Variants in PASD1 observed in about 807,000 individuals in gnomAD.
The protein encoded by PASD1 is circadian clock protein PASD1.
In PASD1, 13 loss-of-function variants were observed where a neutral mutation model predicts 58.8. That is an observed-to-expected ratio of 0.22 (90% confidence interval 0.14 to 0.35). The LOEUF is 0.35. Among genes scored for constraint, PASD1 ranks in the 10% least tolerant of loss-of-function variants. PASD1 has a pLI of 1.00. For synonymous variants in PASD1, 236 were observed against 216.7 expected (o/e 1.09, Z -0.78); for missense variants, 734 against 568.3 (o/e 1.29, Z -2.96).
intron 7 of PASD1, among the ~76,000 whole-genome samples, 178 bp downstream of exon 7, chrX:151,623,242 C>T (rs902185347): frequency 1.8e-5 from 2 of 112,132 alleles, no homozygotes; most frequent in African/African-American, 6.5e-5. Flanking sequence ...AGAAGGTGAA[C>T]ATCTCAGTGA....
chrX:151,595,861 T>G (rs1475445751), intron 1 of PASD1, among the ~76,000 whole-genome samples: 2 of 112,073 alleles, frequency 1.8e-5, no homozygotes, highest in Non-Finnish European at 3.8e-5. Flanking sequence ...TAGGTCTGTT[T>G]CCTAAAACTT....
At chrX:151,674,448 A>G (rs1881610897) in intron 15 of PASD1, among the ~76,000 whole-genome samples, 1 of 112,905 alleles carries the variant, frequency 8.9e-6, no homozygotes, top group South Asian at 3.6e-4. Flanking sequence ...ACTATGTTAC[A>G]TGGGCAAAGT....
At chrX:151,630,295 C>T (rs944029869) in intron 8 of PASD1, among the ~76,000 whole-genome samples, 34 of 111,760 alleles carry the variant, frequency 3.0e-4, no homozygotes, top group African/African-American at 1.1e-3. Flanking sequence ...ACCTGGCTGG[C>T]CCACTAACCT....
At chrX:151,612,216 CAT>C (rs2013573006) in intron 4 of PASD1, among the ~76,000 whole-genome samples, 2 of 45 alleles carry the variant, frequency 0.044, no homozygotes, top group South Asian at 0.67. Context: ...TCCAGCCTAT[CAT>C]GTTGGACATT....
chrX:151,604,902 G>A (rs778140224), intron 3 of PASD1, among the ~76,000 whole-genome samples, 168 bp downstream of exon 3: 2 of 111,835 alleles, frequency 1.8e-5, no homozygotes, highest in East Asian at 5.6e-4. Context: ...GTTAGGGCCG[G>A]GAGTTTGCAT....
chrX:151,577,634 C>T (rs983995059), intron 1 of PASD1, among the ~76,000 whole-genome samples: 3 of 111,812 alleles, frequency 2.7e-5, no homozygotes, highest in African/African-American at 9.8e-5. Context: ...AAGTGATTCT[C>T]CTGCCTCAGC....
intron 4 of PASD1, among the ~76,000 whole-genome samples, chrX:151,614,561 T>C (rs1243548641): frequency 8.9e-6 from 1 of 112,191 alleles, no homozygotes; most frequent in African/African-American, 3.2e-5. Context: ...TATGAAGAAA[T>C]TGAAACCCCT....
intron 1 of PASD1, among the ~76,000 whole-genome samples, chrX:151,589,914 C>T (rs2124239727): frequency 8.9e-6 from 1 of 112,528 alleles, no homozygotes; most frequent in Non-Finnish European, 1.9e-5. Flanking sequence ...TGATCATTTG[C>T]TTAACATGAT....
chrX:151,569,550 C>A (rs145140904), intron 1 of PASD1, among the ~76,000 whole-genome samples: 1,213 of 111,986 alleles, frequency 0.011, 15 homozygotes, highest in African/African-American at 0.037. Context: ...AGAGTTCTTT[C>A]ATTTTTTTAT....
chrX:151,671,515 T>C (rs1051219213), intron 12 of PASD1, 58 bp from the exon 13 acceptor site: 2 of 1,154,482 alleles, frequency 1.7e-6, no homozygotes, highest in Non-Finnish European at 2.4e-6. Context: ...GCTTGTCTTA[T>C]GCCTTAAGGA....
chrX:151,656,629 G>T (rs1388063182), intron 9 of PASD1, among the ~76,000 whole-genome samples: 1 of 111,483 alleles, frequency 9.0e-6, no homozygotes, highest in East Asian at 2.8e-4. Flanking sequence ...AATTGTGAAT[G>T]GGAGTTCACT....
chrX:151,632,010 A>G (rs1238738803), intron 8 of PASD1, among the ~76,000 whole-genome samples: 1 of 111,145 alleles, frequency 9.0e-6, no homozygotes. Flanking sequence ...ATTTAAGGAT[A>G]TGGTAGTGAG....
chrX:151,626,613 T>C (rs892972823), intron 8 of PASD1, among the ~76,000 whole-genome samples: 1 of 111,770 alleles, frequency 8.9e-6, no homozygotes, highest in Non-Finnish European at 1.9e-5. Flanking sequence ...GCAGTGTACA[T>C]GTACTGGTAA....
chrX:151,601,227 GT>G (rs1306368799), intron 1 of PASD1, among the ~76,000 whole-genome samples: 15 of 106,486 alleles, frequency 1.4e-4, no homozygotes, highest in Admixed American at 6.0e-4. Context: ...CAAATATTTG[GT>G]TTTTTTTTTG....
At chrX:151,617,484 G>T (rs145985041) in intron 4 of PASD1, among the ~76,000 whole-genome samples, 1,135 of 111,553 alleles carry the variant, frequency 0.01, 18 homozygotes, top group African/African-American at 0.035. Flanking sequence ...AAGAACTTAC[G>T]AGACATAGCA....
intron 15 of PASD1, among the ~76,000 whole-genome samples, chrX:151,675,521 C>A (rs1217634845): frequency 8.9e-6 from 1 of 112,375 alleles, no homozygotes; most frequent in East Asian, 2.8e-4. Context: ...GAAAACACCC[C>A]CTCAGCCCAT....
intron 9 of PASD1, among the ~76,000 whole-genome samples, chrX:151,659,254 CT>C (rs1160384564): frequency 8.9e-6 from 1 of 112,152 alleles, no homozygotes; most frequent in African/African-American, 3.2e-5. Flanking sequence ...GGAAAATGGC[CT>C]TATCAGTGGT....
In PASD1 at chrX:151,662,380, T is replaced by C. The variant is rs761321379; in HGVS notation, c.842-1739T>C. ...TTTATCATGTCTGCATCTTTTTTTT[T>C]CCCTTCACTTCCTTATTTCCATTAT... On this transcript the variant is annotated intron_variant, in intron 10 of 15. Coordinates refer to ENST00000370357, the MANE Select transcript of PASD1 (RefSeq NM_173493.3). Among the ~76,000 whole-genome samples the C allele has an allele frequency of 5.4e-5, 6 of 111,133 alleles. No homozygotes were observed. The Admixed American group carries it at 5.8e-4, about 11-fold the overall frequency.
At chrX:151,666,012 T>C (rs1451715685) in intron 11 of PASD1, among the ~76,000 whole-genome samples, 3 of 109,405 alleles carry the variant, frequency 2.7e-5, no homozygotes, top group Non-Finnish European at 5.7e-5. Flanking sequence ...AAAATACATA[T>C]ATAATTTTTA....
Sources: allele counts gnomAD v4.1 joint callset (sites outside exome capture counted in the v4.1 genomes callset), GRCh38; gene constraint gnomAD v4.1.1; transcripts MANE v1.5; gene names NCBI Gene and HGNC (gene_info 2026-07-23, HGNC 2026-07-21).